The following PDE10A variants were observed in gnomAD, a reference collection of about 807,000 sequenced individuals.
PDE10A encodes cAMP and cAMP-inhibited cGMP 3',5'-cyclic phosphodiesterase 10A.
A neutral mutation model predicts 97.7 loss-of-function variants in PDE10A; 39 were observed. That is an observed-to-expected ratio of 0.40 (90% CI 0.31 to 0.52). PDE10A has a LOEUF of 0.52. Among genes scored for constraint, PDE10A ranks in the 20% least tolerant of loss-of-function variants. PDE10A has a pLI of 0.56. For missense variants in PDE10A, 731 were observed against 1,047.8 expected, an observed-to-expected ratio of 0.70 and a Z score of 4.17; for synonymous variants, 371 against 376.8, an observed-to-expected ratio of 0.98 and a Z score of 0.18.
At chr6:165,605,054 C>T (rs184650847) in intron 1 of PDE10A, among the ~76,000 whole-genome samples, 3 of 152,280 alleles carry the variant, frequency 2.0e-5, no homozygotes, top group Admixed American at 6.5e-5. Context: ...TCACTCTTTA[C>T]ATTTTACCAC....
At chr6:165,470,802 G>GGTTA (rs1778950212) in intron 3 of PDE10A, among the ~76,000 whole-genome samples, 1 of 152,078 alleles carries the variant, frequency 6.6e-6, no homozygotes, top group African/African-American at 2.4e-5. Flanking sequence ...ACTCTGTTTA[G>GGTTA]ACCATCCTCC....
chr6:165,569,524 A>G (rs1220334992), intron 1 of PDE10A, among the ~76,000 whole-genome samples: 2 of 152,088 alleles, frequency 1.3e-5, no homozygotes, highest in Non-Finnish European at 2.9e-5. Context: ...GTCTTCCCAA[A>G]ATTCTTATGT....
intron 1 of PDE10A, among the ~76,000 whole-genome samples, chr6:165,938,077 G>T (rs937543603): frequency 6.6e-6 from 1 of 152,184 alleles, no homozygotes. Context: ...CAGTATCAAA[G>T]GTCTAAATAT....
At chr6:165,689,479 G>A (rs1582933069) in intron 1 of PDE10A, among the ~76,000 whole-genome samples, 2 of 152,196 alleles carry the variant, frequency 1.3e-5, no homozygotes, top group South Asian at 4.1e-4. Context: ...CTAATGGGAA[G>A]TGTTTGGGTC....
At chr6:165,349,033 T>C (rs1782509012) in intron 18 of PDE10A, among the ~76,000 whole-genome samples, 2 of 152,170 alleles carry the variant, frequency 1.3e-5, no homozygotes, top group Admixed American at 6.5e-5. Context: ...AGCATGAGAA[T>C]AGACTAATAC....
intron 1 of PDE10A, among the ~76,000 whole-genome samples, chr6:165,607,736 T>C (rs1787279376): frequency 6.6e-6 from 1 of 152,196 alleles, no homozygotes; most frequent in Non-Finnish European, 1.5e-5. Context: ...GGATAACATT[T>C]TGGAGATTCA....
chr6:165,496,135 A>G (rs1780521709), intron 2 of PDE10A, among the ~76,000 whole-genome samples: 1 of 151,980 alleles, frequency 6.6e-6, no homozygotes, highest in South Asian at 2.1e-4. Flanking sequence ...AACTCCAAGC[A>G]GAGGGATCAG....
chr6:165,826,376 C>T (rs150360248), intron 1 of PDE10A, among the ~76,000 whole-genome samples: 1 of 132,070 alleles, frequency 7.6e-6, no homozygotes, highest in South Asian at 2.9e-4. Context: ...CCTTGCATCC[C>T]TCTGTCCTCA....
chr6:165,452,474 G>A (rs922727045), intron 3 of PDE10A, among the ~76,000 whole-genome samples: 1 of 152,126 alleles, frequency 6.6e-6, no homozygotes, highest in African/African-American at 2.4e-5. Context: ...GATGTTATTG[G>A]GGGAGTGAAT....
chr6:165,871,009 G>A (rs1781191190), intron 1 of PDE10A, among the ~76,000 whole-genome samples: 1 of 152,184 alleles, frequency 6.6e-6, no homozygotes, highest in Admixed American at 6.5e-5. Context: ...CAGTTACACA[G>A]GAGGAAGAAT....
In PDE10A at chr6:165,933,256, A is replaced by G. The variant is rs1783200484; in HGVS notation, c.-615+54273T>C. 5.9e-5 allele frequency among the ~76,000 whole-genome samples: 9 copies of G among 152,168 alleles called. No homozygotes were observed. The South Asian group carries it at 1.9e-3, about 32-fold the overall frequency. ...GCACCAGGCAAGGAGGAGAAGGTGA[A>G]ACATCGCAGTTTCCAGAGAGGGAAG... On this transcript the variant is annotated intron_variant, in intron 1 of 19. Transcript: ENST00000366882.
At chr6:165,921,122 C>A (rs376095465) in intron 1 of PDE10A, among the ~76,000 whole-genome samples, 4 of 152,298 alleles carry the variant, frequency 2.6e-5, no homozygotes, top group South Asian at 4.2e-4. Context: ...ACCAAAGCAG[C>A]GTGGGATTAC....
rs758067045 is a variant in PDE10A, at chr6:165,716,919, C to T, written c.-614-173351G>A. 7.9e-5 allele frequency among the ~76,000 whole-genome samples: 12 copies of T among 152,148 alleles called. 1 individual carries two copies. The highest frequency in any genetic ancestry group is 4.1e-4 in the South Asian group (2 of 4,820). On this transcript the variant is annotated intron_variant, in intron 1 of 19. Transcript: ENST00000366882. Reference sequence around the variant, plus strand: ...ATTAAGTACCTTCACACTGATCAGCCGTCACCACCGTCCATCTCCAGAACA... The same window carrying T: ...ATTAAGTACCTTCACACTGATCAGCTGTCACCACCGTCCATCTCCAGAACA...
chr6:165,970,343 T>C (rs1784631284), intron 1 of PDE10A, among the ~76,000 whole-genome samples: 1 of 152,192 alleles, frequency 6.6e-6, no homozygotes, highest in African/African-American at 2.4e-5. Context: ...TAGAGATGTA[T>C]CACGATTATT....
chr6:165,421,159 A>G (rs1456880665), intron 10 of PDE10A, among the ~76,000 whole-genome samples: 2 of 152,186 alleles, frequency 1.3e-5, no homozygotes, highest in East Asian at 3.9e-4. Context: ...GCATATGATG[A>G]GCCTGGGTGT....
At chr6:165,864,996 GTCTTAGTTA>G (rs1781000529) in intron 1 of PDE10A, among the ~76,000 whole-genome samples, 1 of 152,152 alleles carries the variant, frequency 6.6e-6, no homozygotes, top group South Asian at 2.1e-4. Flanking sequence ...TTTCTATACA[GTCTTAGTTA>G]TCTTTAAAAT....
At chr6:165,938,648 A>G (rs1477610213) in intron 1 of PDE10A, among the ~76,000 whole-genome samples, 1 of 152,046 alleles carries the variant, frequency 6.6e-6, no homozygotes, top group Non-Finnish European at 1.5e-5. Context: ...CTTCTAAAAC[A>G]CGGGGCCCTG....
chr6:165,558,994 C>T (rs890434376), intron 1 of PDE10A, among the ~76,000 whole-genome samples: 5 of 136,724 alleles, frequency 3.7e-5, no homozygotes, highest in African/African-American at 1.7e-4. Context: ...AACAACAATT[C>T]AAGTAAAAAA....
chr6:165,775,524 G>A (rs1778155849), intron 1 of PDE10A: 1 of 152,066 alleles, frequency 6.6e-6, no homozygotes, highest in Admixed American at 6.6e-5. Context: ...CACTTCCTTT[G>A]CCTACCCCGC....
Sources: gnomAD v4.1 joint callset for allele counts (sites outside exome capture counted in the v4.1 genomes callset) on GRCh38, gnomAD v4.1.1 for gene constraint, MANE v1.5 for transcripts, NCBI Gene and HGNC (gene_info 2026-07-23, HGNC 2026-07-21) for gene names.